The following IMMP2L variants were observed in gnomAD, a reference collection of about 807,000 sequenced individuals.
IMMP2L encodes mitochondrial inner membrane protease subunit 2.
In IMMP2L, 18 loss-of-function variants were observed where a neutral mutation model predicts 19.3. The observed-to-expected ratio is 0.93, with a 90% confidence interval of 0.64 to 1.38. IMMP2L has a LOEUF of 1.38. Ranked by LOEUF, IMMP2L falls within the 40% of genes most tolerant of loss-of-function variation. The pLI, the probability that IMMP2L is intolerant of heterozygous loss-of-function variation, is 0.00. For synonymous variants in IMMP2L, 76 were observed against 73.0 expected (o/e 1.04, Z -0.21); for missense variants, 233 against 218.2 (o/e 1.07, Z -0.43).
intron 5 of IMMP2L, among the ~76,000 whole-genome samples, chr7:110,666,940 T>C (rs1265494035): frequency 6.6e-6 from 1 of 152,080 alleles, no homozygotes; most frequent in African/African-American, 2.4e-5. Flanking sequence ...GGCATGATCT[T>C]GGCTCACTGC....
intron 5 of IMMP2L, among the ~76,000 whole-genome samples, chr7:110,872,444 T>C (rs1246688730): frequency 6.6e-6 from 1 of 152,178 alleles, no homozygotes; most frequent in African/African-American, 2.4e-5. Flanking sequence ...TTTTATTATA[T>C]GACATTGTTG....
At chr7:110,982,473 T>G (rs944146734) in intron 3 of IMMP2L, among the ~76,000 whole-genome samples, 1 of 152,138 alleles carries the variant, frequency 6.6e-6, no homozygotes, top group African/African-American at 2.4e-5. Context: ...TGCACCTTTG[T>G]TGGCAGTCTC....
intron 3 of IMMP2L, among the ~76,000 whole-genome samples, chr7:111,485,679 A>T (rs955411120): frequency 1.3e-5 from 2 of 151,366 alleles, no homozygotes; most frequent in Non-Finnish European, 2.9e-5. Context: ...TTTGAATAGA[A>T]TATTTTTGAA....
chr7:111,306,390 A>T (rs1170278355), intron 3 of IMMP2L, among the ~76,000 whole-genome samples: 1 of 152,140 alleles, frequency 6.6e-6, no homozygotes, highest in Non-Finnish European at 1.5e-5. Context: ...GGGGAAGTCT[A>T]TGAATGTATG....
intron 2 of IMMP2L, among the ~76,000 whole-genome samples, chr7:111,518,077 C>T (rs1175958740): frequency 6.6e-6 from 1 of 152,010 alleles, no homozygotes. Context: ...TTAGCTGATA[C>T]TTCCCATGTT....
Position 110,877,839 on chromosome 7 carries a change from T to C in IMMP2L, c.408+8754A>G, listed in dbSNP as rs1304543859. Among the ~76,000 whole-genome samples the C allele has an allele frequency of 6.6e-6, 1 of 152,102 alleles. No individual in the cohort carries two copies. Among genetic ancestry groups the C allele is most frequent in the African/African-American group, 2.4e-5 (1 of 41,416 alleles). On this transcript the variant is annotated intron_variant, in intron 5 of 5. Transcript: ENST00000405709. The surrounding 1 kb of genome is among the most constrained non-coding windows in gnomAD (Gnocchi z 4.0). Reference sequence around the variant, plus strand: ...CTAACTCTGATTATTCACCAGGTATTTACTCATAAAAAACTAACACCATTA... The same window carrying C: ...CTAACTCTGATTATTCACCAGGTATCTACTCATAAAAAACTAACACCATTA...
intron 3 of IMMP2L, among the ~76,000 whole-genome samples, chr7:110,998,189 T>A (rs1823245487): frequency 6.6e-6 from 1 of 152,152 alleles, no homozygotes; most frequent in Non-Finnish European, 1.5e-5. Context: ...AAGGGTTCTT[T>A]CCTTCTACTT....
At chr7:110,986,572 C>CT (rs1821883547) in intron 3 of IMMP2L, among the ~76,000 whole-genome samples, 1 of 152,116 alleles carries the variant, frequency 6.6e-6, no homozygotes, top group African/African-American at 2.4e-5. Context: ...TGCCTTAGAG[C>CT]TTGTCACCTA....
At chr7:110,994,945 G>A (rs1316029299) in intron 3 of IMMP2L, among the ~76,000 whole-genome samples, 3 of 152,090 alleles carry the variant, frequency 2.0e-5, no homozygotes. Flanking sequence ...CATATTTTGA[G>A]TTCTGGACCT....
chr7:111,227,292 C>CTTA (rs1813209107), intron 3 of IMMP2L, among the ~76,000 whole-genome samples: 1 of 152,092 alleles, frequency 6.6e-6, no homozygotes. Flanking sequence ...ATCTCCTTCT[C>CTTA]CATTTTCTAT....
At chr7:111,278,820 C>T (rs893151460) in intron 3 of IMMP2L, among the ~76,000 whole-genome samples, 6 of 152,144 alleles carry the variant, frequency 3.9e-5, no homozygotes, top group African/African-American at 1.2e-4. Context: ...TTGAAATCTA[C>T]ACCCAACTTG....
intron 1 of IMMP2L, among the ~76,000 whole-genome samples, chr7:111,533,567 C>G (rs1847599248): frequency 6.6e-6 from 1 of 152,030 alleles, no homozygotes; most frequent in African/African-American, 2.4e-5. Context: ...CGCAAAGAAA[C>G]TTGGTATTTG....
intron 1 of IMMP2L, among the ~76,000 whole-genome samples, chr7:111,522,917 T>C (rs118138807): frequency 0.03 from 3,372 of 114,070 alleles, 79 homozygotes; most frequent in Non-Finnish European, 0.04. Context: ...AACTTTAAGA[T>C]GTGAGATACA....
chr7:110,931,257 G>A (rs1228997041), intron 4 of IMMP2L, among the ~76,000 whole-genome samples: 1 of 152,132 alleles, frequency 6.6e-6, no homozygotes, highest in African/African-American at 2.4e-5. Flanking sequence ...AAACATATCA[G>A]GCTCTCCTGT....
intron 3 of IMMP2L, among the ~76,000 whole-genome samples, chr7:111,261,529 A>G (rs755619418): frequency 1.6e-4 from 25 of 152,148 alleles, no homozygotes; most frequent in Non-Finnish European, 3.2e-4. Flanking sequence ...TAAATTACCA[A>G]TGTCTTGAAC....
At chr7:111,144,063 T>C (rs2129599668) in intron 3 of IMMP2L, among the ~76,000 whole-genome samples, 1 of 152,260 alleles carries the variant, frequency 6.6e-6, no homozygotes, top group Admixed American at 6.5e-5. Context: ...AAATCTCTAT[T>C]TTTCTTACAA....
chr7:111,424,116 G>T (rs1835847733), intron 3 of IMMP2L, among the ~76,000 whole-genome samples: 1 of 151,858 alleles, frequency 6.6e-6, no homozygotes, highest in African/African-American at 2.4e-5. Flanking sequence ...ACAAATTCTA[G>T]GATGTATGAT....
Position 110,940,297 on chromosome 7 carries a change from C to A in IMMP2L, c.305+23203G>T, listed in dbSNP as rs375067303. On this transcript the variant is annotated intron_variant, in intron 4 of 5. Transcript: ENST00000405709. ...TTGCACCACTGCACTCCAGCCTGGGCAACAGAGCTAGACTCCATCTCAAAA... is the reference window on the plus strand; with the variant it reads ...TTGCACCACTGCACTCCAGCCTGGGAAACAGAGCTAGACTCCATCTCAAAA... Among the ~76,000 whole-genome samples the A allele has an allele frequency of 2.8e-3, 393 of 141,714 alleles. 1 individual carries two copies. Among genetic ancestry groups the A allele is most frequent in the African/African-American group, 0.01 (377 of 37,618 alleles). The allele number at this position is 141,714 out of a possible 152,430, so 93.0% of individuals were successfully genotyped here.
At position 110,760,473 on chromosome 7, in the gene IMMP2L, C is replaced by A. The variant is rs1458785823; in HGVS notation, c.409-96752G>T. Among the ~76,000 whole-genome samples the A allele has an allele frequency of 1.3e-5, 2 of 152,022 alleles. No homozygotes were observed. Among genetic ancestry groups the A allele is most frequent in the Non-Finnish European group, 2.9e-5 (2 of 68,014 alleles). On this transcript the variant is annotated intron_variant, in intron 5 of 5. Coordinates refer to ENST00000405709, the MANE Select transcript of IMMP2L (RefSeq NM_032549.4). The surrounding 1 kb of genome is among the most constrained non-coding windows in gnomAD (Gnocchi z 4.2). The stretch of plus-strand genomic sequence containing the variant: ...ACATTAAAGGTCAGAAATGAAATGC[C>A]CATACCAACAACTAGACTGAGAAGT...
Sources: gnomAD v4.1 joint callset for allele counts (sites outside exome capture counted in the v4.1 genomes callset) on GRCh38, gnomAD v4.1.1 for gene constraint, Gnocchi (gnomAD v3.1) non-coding constraint, MANE v1.5 for transcripts, NCBI Gene and HGNC (gene_info 2026-07-23, HGNC 2026-07-21) for gene names.